The following PSD3 variants were observed in gnomAD, a reference collection of about 807,000 sequenced individuals.
PSD3 encodes the protein PH and SEC7 domain-containing protein 3.
Under a neutral mutation model 105.5 loss-of-function variants are expected in PSD3, and 49 were observed. The observed-to-expected ratio is 0.46, with a 90% CI of 0.37 to 0.59. The LOEUF is 0.59. Among genes scored for constraint, PSD3 ranks in the 20% least tolerant of loss-of-function variants. The pLI, the probability that PSD3 is intolerant of heterozygous loss-of-function variation, is 0.00. For synonymous variants in PSD3, 557 were observed against 457.8 expected (o/e 1.22, Z -2.77); for missense variants, 1,561 against 1,263.8 (o/e 1.24, Z -3.57).
intron 4 of PSD3, chr8:18,854,137 T>C (rs962066706): frequency 2.0e-5 from 3 of 152,394 alleles, no homozygotes; most frequent in African/African-American, 4.8e-5. Flanking sequence ...TTGTCAGGAA[T>C]TGAAGAGCAT....
At chr8:18,967,468 A>G (rs999702225) in intron 1 of PSD3, among the ~76,000 whole-genome samples, 7 of 152,204 alleles carry the variant, frequency 4.6e-5, no homozygotes, top group African/African-American at 1.4e-4. Flanking sequence ...AAAAATCTTA[A>G]GATTACTAGT....
intron 14 of PSD3, among the ~76,000 whole-genome samples, chr8:18,563,702 T>A (rs1801546508): frequency 1.3e-5 from 2 of 152,174 alleles, no homozygotes; most frequent in East Asian, 3.8e-4. Context: ...AATACAGACC[T>A]CGAAGAAATG....
chr8:18,816,068 A>C (rs867188194), intron 4 of PSD3, among the ~76,000 whole-genome samples: 1 of 152,236 alleles, frequency 6.6e-6, no homozygotes, highest in Non-Finnish European at 1.5e-5. Context: ...GCTCCCCTGG[A>C]GACAGATCCA....
chr8:18,941,665 CTTTTT>C (rs869259596), intron 1 of PSD3, among the ~76,000 whole-genome samples: 3 of 107,744 alleles, frequency 2.8e-5, no homozygotes, highest in Non-Finnish European at 5.3e-5. Flanking sequence ...TGTAGAATGA[CTTTTT>C]TTTTTTTTTT....
intron 4 of PSD3, among the ~76,000 whole-genome samples, chr8:18,805,885 A>C (rs140225884): frequency 0.014 from 2,161 of 152,340 alleles, 30 homozygotes; most frequent in African/African-American, 0.038. Flanking sequence ...CCTTAAAGTA[A>C]TAGGCTTACT....
At chr8:18,784,199 T>A (rs1226635760) in intron 8 of PSD3, among the ~76,000 whole-genome samples, 1 of 152,196 alleles carries the variant, frequency 6.6e-6, no homozygotes, top group African/African-American at 2.4e-5. Context: ...GTTGTTCAAG[T>A]CTATTTCCTT....
At chr8:19,082,766 A>G (rs1829682655) in intron 1 of PSD3, among the ~76,000 whole-genome samples, 1 of 152,146 alleles carries the variant, frequency 6.6e-6, no homozygotes, top group Non-Finnish European at 1.5e-5. Context: ...TAACTGTGTG[A>G]CCCCACATAC....
intron 1 of PSD3, among the ~76,000 whole-genome samples, chr8:18,957,184 A>G (rs1366270341): frequency 1.3e-5 from 2 of 152,050 alleles, no homozygotes; most frequent in African/African-American, 4.8e-5. Context: ...CATCCTGGCC[A>G]ACACAGTGAA....
chr8:18,825,072 T>G (rs1813068611), intron 4 of PSD3, among the ~76,000 whole-genome samples: 1 of 152,200 alleles, frequency 6.6e-6, no homozygotes. Context: ...TAAACAGAAT[T>G]TGAAAAACCC....
intron 11 of PSD3, among the ~76,000 whole-genome samples, chr8:18,616,517 C>A (rs1360084900): frequency 6.6e-6 from 1 of 152,134 alleles, no homozygotes; most frequent in Non-Finnish European, 1.5e-5. Flanking sequence ...AAACATTCAC[C>A]ATCTATTCTC....
At position 18,546,826 on chromosome 8, in the gene PSD3, A is replaced by T. The variant is rs541604490; in HGVS notation, c.2928+9383T>A. ...CTCAACCCCTGATGACCACCATTCT[A>T]CCCTCTGCTTCTTTGTGTTTGAGTT... On this transcript the variant is annotated intron_variant, in intron 15 of 15. Coordinates refer to ENST00000327040, the MANE Select transcript of PSD3 (RefSeq NM_015310.4). Among the ~76,000 whole-genome samples the T allele has an allele frequency of 4.6e-5, 7 of 152,072 alleles. No homozygotes were observed. The East Asian group carries it at 1.2e-3, about 25-fold the overall frequency.
intron 1 of PSD3, among the ~76,000 whole-genome samples, chr8:18,950,483 T>C (rs79479361): frequency 0.11 from 16,861 of 152,192 alleles, 1,223 homozygotes; most frequent in Non-Finnish European, 0.17. Context: ...AGAAACAACG[T>C]ATTCCTCTTG....
At chr8:18,952,276 T>G (rs1376791224) in intron 1 of PSD3, among the ~76,000 whole-genome samples, 1 of 152,178 alleles carries the variant, frequency 6.6e-6, no homozygotes, top group African/African-American at 2.4e-5. Flanking sequence ...CTTTCTATCT[T>G]TACATCCATA....
chr8:18,944,944 A>AT (rs1471264029), intron 1 of PSD3, among the ~76,000 whole-genome samples: 1 of 152,096 alleles, frequency 6.6e-6, no homozygotes. Context: ...GAGCCATTTT[A>AT]TTTTAAAACA....
At chr8:18,688,761 T>G (rs986099351) in intron 9 of PSD3, among the ~76,000 whole-genome samples, 1 of 152,210 alleles carries the variant, frequency 6.6e-6, no homozygotes, top group African/African-American at 2.4e-5. Flanking sequence ...ACGTGTTGGA[T>G]GACCCTGTCC....
At chr8:18,560,724 A>C (rs1436154398) in intron 14 of PSD3, among the ~76,000 whole-genome samples, 1 of 152,232 alleles carries the variant, frequency 6.6e-6, no homozygotes, top group Non-Finnish European at 1.5e-5. Context: ...TAATCCCCAA[A>C]GTATATAAGG....
intron 10 of PSD3, 151 bp downstream of exon 10, chr8:18,655,491 T>C (rs1808823005): frequency 2.7e-6 from 2 of 729,368 alleles, no homozygotes; most frequent in South Asian, 1.8e-5. Flanking sequence ...GGTTTACTTG[T>C]ATAAAGCCAC....
intron 1 of PSD3, among the ~76,000 whole-genome samples, chr8:19,076,984 A>T (rs1211892642): frequency 1.3e-5 from 2 of 151,968 alleles, no homozygotes; most frequent in Admixed American, 6.6e-5. Flanking sequence ...ACTTTTATTT[A>T]TATATTTTCC....
At chr8:18,758,075 T>A (rs1184420633) in intron 9 of PSD3, among the ~76,000 whole-genome samples, 3 of 152,050 alleles carry the variant, frequency 2.0e-5, no homozygotes, top group East Asian at 3.9e-4. Flanking sequence ...AAGAACAGAG[T>A]CCTTGTGCCA....
Sources: gnomAD v4.1 joint callset for allele counts (sites outside exome capture counted in the v4.1 genomes callset) on GRCh38, gnomAD v4.1.1 for gene constraint, MANE v1.5 for transcripts, NCBI Gene and HGNC (gene_info 2026-07-23, HGNC 2026-07-21) for gene names.